Variants in TANC1 observed in about 807,000 individuals in gnomAD.
TANC1 encodes protein TANC1.
Under a neutral mutation model 149.7 loss-of-function variants are expected in TANC1, and 77 were observed. The ratio of observed to expected loss-of-function variants is 0.51; its 90% confidence interval spans 0.43 to 0.62. The LOEUF is 0.62. TANC1 is among the 20% of genes least tolerant of loss of function. The probability of loss-of-function intolerance (pLI) is 0.00; values close to 1 mark genes in which losing one functional copy is unlikely to be tolerated. For missense variants in TANC1, 1,985 were observed against 2,321.8 expected (o/e 0.85, Z 2.98); for synonymous variants, 854 against 925.0 (o/e 0.92, Z 1.39).
At position 159,230,542 on chromosome 2, in the gene TANC1, G is replaced by T. The variant is rs1195025362; in HGVS notation, c.5116G>T (p.Val1706Leu). The T allele has an allele frequency of 1.2e-6, 2 of 1,614,202 alleles. No homozygotes were observed. Among genetic ancestry groups the T allele is most frequent in the Non-Finnish European group, 1.7e-6 (2 of 1,180,042 alleles). The change falls in exon 27 of 27, where the codon GTA becomes TTA. Residue 1706 changes from valine to leucine, a missense_variant. Around this residue, in one of 3 missense-constraint regions of TANC1, gnomAD observed 920 missense variants for 994.7 expected, o/e 0.92. Coordinates refer to ENST00000263635, the MANE Select transcript of TANC1 (RefSeq NM_033394.3). This position sits in a 1 kb window ranked among gnomAD's most constrained non-coding sequence, Gnocchi z 4.4. ...AGATACTAGAATTAAAGACAAGGTTGTAACCCACGTTCAGAGCGGTACAGC... is the reference window on the plus strand; with the variant it reads ...AGATACTAGAATTAAAGACAAGGTTTTAACCCACGTTCAGAGCGGTACAGC... ...GPDTRIKDKV[V>L]THVQSGTAEH... is the part of the protein sequence containing the mutation.
At chr2:159,102,140 T>A (rs543999942) in intron 4 of TANC1, among the ~76,000 whole-genome samples, 17 of 152,344 alleles carry the variant, frequency 1.1e-4, no homozygotes, top group African/African-American at 4.1e-4. Context: ...CCGCAAGTAT[T>A]TCTTGTAGAA....
In TANC1 at chr2:159,114,301, A is replaced by G. The variant is rs192513100; in HGVS notation, c.259+16467A>G. ...GCCTTGCAGGGGCCACCTGAGTCCC[A>G]TAAGATTGTCAGGAAGAAATGATAT... is the stretch of plus-strand genomic sequence containing the variant. On this transcript the variant is annotated intron_variant, in intron 4 of 26. Coordinates refer to ENST00000263635, the MANE Select transcript of TANC1 (RefSeq NM_033394.3). Among the ~76,000 whole-genome samples, 214 of 152,350 alleles carry G rather than the reference A, an allele frequency of 1.4e-3. 2 individuals carry two copies. Among genetic ancestry groups the G allele is most frequent in the African/African-American group, 4.9e-3 (202 of 41,586 alleles).
intron 14 of TANC1, among the ~76,000 whole-genome samples, chr2:159,180,877 T>G (rs1332508540): frequency 1.3e-5 from 2 of 152,120 alleles, no homozygotes; most frequent in Non-Finnish European, 2.9e-5. Context: ...GGAGGTGATA[T>G]GCGAGAGGGA....
At chr2:159,174,888 T>A in intron 11 of TANC1, 65 bp from the exon 12 acceptor site, 1 of 1,266,502 alleles carries the variant, frequency 7.9e-7, no homozygotes, top group Non-Finnish European at 1.1e-6. Flanking sequence ...GTGTTCCTGT[T>A]TGAGATTGCA....
At chr2:159,134,249 C>T (rs895691121) in intron 4 of TANC1, among the ~76,000 whole-genome samples, 1 of 152,114 alleles carries the variant, frequency 6.6e-6, no homozygotes, top group Non-Finnish European at 1.5e-5. Flanking sequence ...TTTAAGGCAA[C>T]CAAGGAACAC....
At chr2:159,051,393 G>A (rs2041451632) in intron 2 of TANC1, among the ~76,000 whole-genome samples, 1 of 152,204 alleles carries the variant, frequency 6.6e-6, no homozygotes, top group Non-Finnish European at 1.5e-5. Context: ...CTTTAGGTCT[G>A]AGATGTTTCA....
chr2:159,085,759 A>G (rs1315511914), intron 3 of TANC1, among the ~76,000 whole-genome samples: 7 of 152,156 alleles, frequency 4.6e-5, no homozygotes, highest in Non-Finnish European at 1.0e-4. Flanking sequence ...CTGGGAGGGC[A>G]CCGAGCCATT....
At chr2:159,136,352 A>G (rs1305942966) in intron 5 of TANC1, 54 bp downstream of exon 5, 11 of 1,017,940 alleles carry the variant, frequency 1.1e-5, no homozygotes, top group Admixed American at 1.7e-5. Flanking sequence ...ATACAATGAC[A>G]CTTCATTTCT....
intron 3 of TANC1, among the ~76,000 whole-genome samples, chr2:159,082,157 G>C (rs2044337545): frequency 6.6e-6 from 1 of 152,182 alleles, no homozygotes; most frequent in Non-Finnish European, 1.5e-5. Context: ...AACCTCTGGG[G>C]TCCTGTTTTC....
At chr2:159,019,584 C>T (rs2038609907) in intron 2 of TANC1, among the ~76,000 whole-genome samples, 1 of 150,264 alleles carries the variant, frequency 6.7e-6, no homozygotes, top group Admixed American at 6.6e-5. Flanking sequence ...GGCAGTTGTC[C>T]ACTTGTTTGG....
At position 159,094,774 on chromosome 2, in the gene TANC1, TGG is replaced by T. The variant is rs368971756; in HGVS notation, c.62-2854_62-2853del. ...AGGGTGGATGAAGCTTGTGTGTGTG[TGG>T]GGGGGGGGTGGGGGCCAGCCTGGGG... On this transcript the variant is annotated intron_variant, in intron 3 of 26. Coordinates refer to ENST00000263635, the MANE Select transcript of TANC1 (RefSeq NM_033394.3). 6.7e-4 allele frequency among the ~76,000 whole-genome samples: 36 copies of T among 53,472 alleles called. 1 individual carries two copies. The highest frequency in any genetic ancestry group is 8.9e-3 in the Middle Eastern group (1 of 112). The allele number at this position is 53,472 out of a possible 152,430, so 35.1% of individuals were successfully genotyped here.
At chr2:159,084,083 C>G (rs1251692935) in intron 3 of TANC1, among the ~76,000 whole-genome samples, 10 of 152,124 alleles carry the variant, frequency 6.6e-5, no homozygotes, top group Admixed American at 1.3e-4. Flanking sequence ...AACCCCCTCT[C>G]CACTAAAAAT....
At chr2:159,029,449 A>C (rs545301634) in intron 2 of TANC1, among the ~76,000 whole-genome samples, 1 of 152,352 alleles carries the variant, frequency 6.6e-6, no homozygotes, top group Admixed American at 6.5e-5. Flanking sequence ...AATGCATGGC[A>C]TACAGAGTGG....
intron 26 of TANC1, 146 bp from the exon 27 acceptor site, chr2:159,229,432 G>T: frequency 1.5e-6 from 1 of 681,120 alleles, no homozygotes; most frequent in Non-Finnish European, 2.4e-6. Flanking sequence ...CTCTGGGCTG[G>T]TTAAGTGGGT....
At position 159,208,747 on chromosome 2, in the gene TANC1, A is replaced by C. The variant is rs548243016; in HGVS notation, c.3245-8750A>C. 4.2e-4 allele frequency among the ~76,000 whole-genome samples: 64 copies of C among 152,320 alleles called. No individual in the cohort carries two copies. The South Asian group carries it at 0.013, about 30-fold the overall frequency. ...TGGGAGAGTTTTGCCAATGGGAAAC[A>C]ATAAGGAAGGTGTTCAAAACCACAA... is the stretch of plus-strand genomic sequence containing the variant. On this transcript the variant is annotated intron_variant, in intron 19 of 26. Coordinates refer to ENST00000263635, the MANE Select transcript of TANC1 (RefSeq NM_033394.3).
chr2:159,165,502 G>C (rs149948229), intron 8 of TANC1, among the ~76,000 whole-genome samples: 1 of 152,168 alleles, frequency 6.6e-6, no homozygotes, highest in African/African-American at 2.4e-5. Context: ...TAGGAGTCTG[G>C]TAGATTCTTC....
At chr2:159,216,175 T>A (rs1270697677) in intron 19 of TANC1, among the ~76,000 whole-genome samples, 1 of 152,178 alleles carries the variant, frequency 6.6e-6, no homozygotes. Flanking sequence ...CTAATGGGGC[T>A]TGGTGCTCTT....
rs899028862 is a variant in TANC1 at position 159,101,158 on chromosome 2, A to C, written c.259+3324A>C. On this transcript the variant is annotated intron_variant, in intron 4 of 26. Coordinates refer to ENST00000263635, the MANE Select transcript of TANC1 (RefSeq NM_033394.3). ...ACCCCTGCCAATTCCTCTCTTGTTC[A>C]AGGTTAAAAAACAAAAACAAAAAAA... Among the ~76,000 whole-genome samples, 3 of 152,052 alleles carry C rather than the reference A, an allele frequency of 2.0e-5. No individual in the cohort carries two copies. In the South Asian group the frequency reaches 6.2e-4, roughly 32 times the overall value.
chr2:159,078,131 C>A (rs994733991), intron 3 of TANC1, among the ~76,000 whole-genome samples: 8 of 152,172 alleles, frequency 5.3e-5, no homozygotes, highest in Non-Finnish European at 8.8e-5. Flanking sequence ...TGAACTTGGG[C>A]AAATTACTTA....
Sources: gnomAD v4.1 joint callset for allele counts (sites outside exome capture counted in the v4.1 genomes callset) on GRCh38, gnomAD v4.1.1 for gene constraint, gnomAD v4.1.1 regional missense constraint, Gnocchi (gnomAD v3.1) non-coding constraint, MANE v1.5 for transcripts, NCBI Gene and HGNC (gene_info 2026-07-23, HGNC 2026-07-21) for gene names.